The following GSTA4 variants were observed in gnomAD, a reference collection of about 807,000 sequenced individuals.
The protein encoded by GSTA4 is glutathione S-transferase alpha 4, also known as glutathione S-transferase A4.
A neutral mutation model predicts 24.4 loss-of-function variants in GSTA4; 15 were observed. The observed-to-expected ratio is 0.61, with a 90% confidence interval of 0.41 to 0.95. The LOEUF (loss-of-function observed/expected upper bound fraction) is 0.95. GSTA4 is among the 40% of genes least tolerant of loss of function. The pLI, the probability that GSTA4 is intolerant of heterozygous loss-of-function variation, is 0.00. For missense variants in GSTA4, 244 were observed against 262.1 expected, an observed-to-expected ratio of 0.93 and a Z score of 0.48; for synonymous variants, 92 against 94.2, an observed-to-expected ratio of 0.98 and a Z score of 0.13.
At chr6:52,979,855 A>G (rs1763416130) in intron 6 of GSTA4, among the ~76,000 whole-genome samples, 1 of 152,216 alleles carries the variant, frequency 6.6e-6, no homozygotes, top group Non-Finnish European at 1.5e-5. Flanking sequence ...TACTTGTATG[A>G]TTTTAAATAT....
chr6:52,989,695 C>T (rs368024860), intron 2 of GSTA4, among the ~76,000 whole-genome samples: 3 of 152,034 alleles, frequency 2.0e-5, no homozygotes, highest in Non-Finnish European at 2.9e-5. Flanking sequence ...CAACAATGCT[C>T]GAAGCCTAGA....
chr6:52,991,945 C>CG (rs1280876186), intron 2 of GSTA4, among the ~76,000 whole-genome samples: 5 of 151,874 alleles, frequency 3.3e-5, no homozygotes, highest in Non-Finnish European at 5.9e-5. Flanking sequence ...TTGGGAGAGA[C>CG]GGGGTTTCAC....
At chr6:52,986,475 A>C (rs1045105053) in intron 3 of GSTA4, among the ~76,000 whole-genome samples, 1 of 152,222 alleles carries the variant, frequency 6.6e-6, no homozygotes, top group Non-Finnish European at 1.5e-5. Flanking sequence ...GCTACTCTGT[A>C]GCCACAGAAC....
rs140333212 is a variant in GSTA4, at chr6:52,983,038, G to C, written c.415-333C>G. Among the ~76,000 whole-genome samples the C allele has an allele frequency of 8.3e-3, 1,265 of 152,286 alleles. 6 individuals carry two copies. The highest frequency in any genetic ancestry group is 0.013 in the Non-Finnish European group (870 of 68,010). On this transcript the variant is annotated intron_variant, in intron 5 of 6. Coordinates refer to ENST00000370963, the MANE Select transcript of GSTA4 (RefSeq NM_001512.4). ...TTCTGGATTTAGCATCTGGTGTTTT[G>C]AAAGGATATATCTACTCCAAAAATG...
intron 3 of GSTA4, 51 bp downstream of exon 3, chr6:52,987,306 C>T (rs2127386233): frequency 8.9e-7 from 1 of 1,127,794 alleles, no homozygotes; most frequent in Non-Finnish European, 1.3e-6. Context: ...TAAACAGCAG[C>T]TCTTAAAGGA....
chr6:52,982,231 T>C (rs761904775), intron 6 of GSTA4, among the ~76,000 whole-genome samples: 2 of 151,968 alleles, frequency 1.3e-5, no homozygotes, highest in Non-Finnish European at 2.9e-5. Flanking sequence ...AAGATGAAAA[T>C]TTCTGAGCTG....
chr6:52,978,322 G>A lies in GSTA4; in HGVS notation c.*148C>T. The stretch of plus-strand genomic sequence containing the variant: ...ACAAAAAAGGTTGATATTTCTAGAA[G>A]AGATGATCTCGTTGACACAAAAGAC... On this transcript the variant is annotated 3_prime_UTR_variant, in exon 7 of 7. Transcript: ENST00000370963. 1 of 754,838 alleles carries A rather than the reference G, an allele frequency of 1.3e-6. No homozygotes were observed. The highest frequency in any genetic ancestry group is 2.2e-6 in the Non-Finnish European group (1 of 458,042). The allele number at this position is 754,838 out of a possible 1,614,324, so 46.8% of individuals were successfully genotyped here.
At chr6:52,984,284 G>A (rs1260541639) in intron 5 of GSTA4, among the ~76,000 whole-genome samples, 180 bp downstream of exon 5, 2 of 152,300 alleles carry the variant, frequency 1.3e-5, no homozygotes, top group Middle Eastern at 6.8e-3. Flanking sequence ...AGAGTCCAAG[G>A]GGCTCTAAGA....
chr6:52,984,274 A>C (rs940796532), intron 5 of GSTA4, among the ~76,000 whole-genome samples, 190 bp downstream of exon 5: 5 of 152,254 alleles, frequency 3.3e-5, no homozygotes, highest in Admixed American at 1.3e-4. Flanking sequence ...TGGTCCTAGC[A>C]GAGTCCAAGG....
intron 1 of GSTA4, 179 bp from the exon 2 acceptor site, chr6:52,994,440 A>C: frequency 1.8e-6 from 1 of 550,788 alleles, no homozygotes; most frequent in Admixed American, 3.1e-5. Flanking sequence ...ACATGGAGAA[A>C]AAAACCTTGG....
chr6:52,995,013 T>TA, intron 1 of GSTA4: 1 of 151,286 alleles, frequency 6.6e-6, no homozygotes, highest in Non-Finnish European at 1.5e-5. Context: ...AGAAGGGGTT[T>TA]AAAAAAAAAT....
At position 52,987,744 on chromosome 6, in the gene GSTA4, T is replaced by C. The variant is rs1763590711; in HGVS notation, c.88-336A>G. The C allele has an allele frequency of 3.0e-5, 6 of 202,662 alleles. No individual in the cohort carries two copies. The South Asian group carries it at 5.8e-4, about 20-fold the overall frequency. 12.6% of individuals were successfully genotyped at this position (202,662 alleles called of 1,614,324 possible). A position where few individuals can be genotyped will look rare whatever the true frequency, so the allele number is the denominator to read the frequency against. On this transcript the variant is annotated intron_variant, in intron 2 of 6. Transcript: ENST00000370963. Reference sequence around the variant, plus strand: ...TGTTCGATAGTACAGTAGGCTATAGTTAACAATAACGTATTACACAGTTCA... The same window carrying C: ...TGTTCGATAGTACAGTAGGCTATAGCTAACAATAACGTATTACACAGTTCA...
At chr6:52,983,798 A>G (rs1763498520) in intron 5 of GSTA4, among the ~76,000 whole-genome samples, 1 of 152,190 alleles carries the variant, frequency 6.6e-6, no homozygotes, top group African/African-American at 2.4e-5. Context: ...CATAAAACCT[A>G]GCTACAGAAA....
At chr6:52,994,624 G>A (rs909875126) in intron 1 of GSTA4, among the ~76,000 whole-genome samples, 28 of 152,286 alleles carry the variant, frequency 1.8e-4, no homozygotes, top group African/African-American at 6.7e-4. Flanking sequence ...GGGGGTGGCA[G>A]GCGTTGAAGA....
chr6:52,980,864 T>C (rs1416234531), intron 6 of GSTA4, among the ~76,000 whole-genome samples: 1 of 152,170 alleles, frequency 6.6e-6, no homozygotes, highest in Non-Finnish European at 1.5e-5. Flanking sequence ...GCCCATCTCC[T>C]AGGGTTATTG....
At chr6:52,985,727 C>T (rs1763539955) in intron 3 of GSTA4, 144 bp from the exon 4 acceptor site, 12 of 873,340 alleles carry the variant, frequency 1.4e-5, no homozygotes, top group Non-Finnish European at 2.0e-5. Context: ...ATAACCTTAA[C>T]TTCATTCAGG....
intron 2 of GSTA4, 33 bp from the exon 3 acceptor site, chr6:52,987,441 T>C: frequency 1.8e-6 from 2 of 1,097,304 alleles, no homozygotes; most frequent in African/African-American, 1.6e-5. Context: ...TATATATACA[T>C]AGTGGAATAT....
intron 2 of GSTA4, chr6:52,988,009 C>T (rs937394538): frequency 1.3e-5 from 2 of 152,186 alleles, no homozygotes; most frequent in Non-Finnish European, 2.9e-5. Flanking sequence ...GTTAAACAGT[C>T]TTAAGAAGCA....
intron 2 of GSTA4, among the ~76,000 whole-genome samples, chr6:52,992,729 G>A (rs1581915987): frequency 6.6e-6 from 1 of 152,294 alleles, no homozygotes; most frequent in Non-Finnish European, 1.5e-5. Context: ...GGAAACGACT[G>A]GGAAATTGTC....
Sources: allele counts gnomAD v4.1 joint callset (sites outside exome capture counted in the v4.1 genomes callset), GRCh38; gene constraint gnomAD v4.1.1; transcripts MANE v1.5; gene names NCBI Gene and HGNC (gene_info 2026-07-23, HGNC 2026-07-21).